TGM7: variants seen among roughly 807,000 people sequenced by gnomAD.
TGM7 encodes the protein transglutaminase 7.
TGM7 carries 74 observed loss-of-function variants against 79.5 expected under a neutral mutation model. The observed-to-expected ratio is 0.93, with a 90% CI of 0.77 to 1.13. TGM7 has a LOEUF of 1.13. Among genes scored for constraint, TGM7 ranks in the 50% most tolerant of loss-of-function variants. The probability of loss-of-function intolerance (pLI) is 0.00; values close to 1 mark genes in which losing one functional copy is unlikely to be tolerated. For missense variants in TGM7, 912 were observed against 905.9 expected (o/e 1.01, Z -0.09); for synonymous variants, 354 against 362.5 (o/e 0.98, Z 0.27).
chr15:43,301,582 A>G (rs550432884), intron 1 of TGM7, among the ~76,000 whole-genome samples: 1 of 150,786 alleles, frequency 6.6e-6, no homozygotes, highest in Admixed American at 6.6e-5. Flanking sequence ...GTGAGCCGAG[A>G]TCGCGCCATT....
intron 1 of TGM7, among the ~76,000 whole-genome samples, chr15:43,301,399 G>A (rs867180942): frequency 1.3e-5 from 2 of 151,680 alleles, no homozygotes; most frequent in Admixed American, 6.6e-5. Context: ...GGAGGCCAAG[G>A]TGGGTGGGTC....
At position 43,279,244 on chromosome 15, in the gene TGM7, T is replaced by C. The variant is rs2042893601; in HGVS notation, c.1712A>G (p.Asn571Ser). 1.2e-6 allele frequency: 2 copies of C among 1,614,004 alleles called. No individual in the cohort carries two copies. Among genetic ancestry groups the C allele is most frequent in the Non-Finnish European group, 1.7e-6 (2 of 1,180,036 alleles). The change falls in exon 11 of 13, where the codon AAT becomes AGT. Residue 571 changes from asparagine to serine, a missense_variant. By Grantham distance (46) the Asn-to-Ser change is conservative. Coordinates refer to ENST00000452443, the MANE Select transcript of TGM7 (RefSeq NM_052955.3). The part of the protein sequence containing the change: ...TQWPLLLPYS[N>S]YRNKLTDEKL... ...TTCGTCCGTTAGCTTGTTTCTGTAA[T>C]TGCTGTAGGGCAGGAGGAGCGGCCA...
rs1255092131 is a variant in TGM7, at chr15:43,279,770, A to G, written c.1533T>C (p.Arg511=). 5 of 1,614,090 alleles carry G rather than the reference A, an allele frequency of 3.1e-6. No individual in the cohort carries two copies. The highest frequency in any genetic ancestry group is 2.2e-5 in the East Asian group (1 of 44,892). ...GGGTGCTGTCTGGCACCCTCTGGAT[A>G]CGCAGCAGCAGCTGCAGGTCCTGGC... ...EWGQDLQLLL[R]IQRVPDSTHP... is the part of the protein sequence containing the mutation. Residue 511 remains arginine, a synonymous_variant, in exon 10 of 13, where the codon CGT becomes CGC. Coordinates refer to ENST00000452443, the MANE Select transcript of TGM7 (RefSeq NM_052955.3).
chr15:43,287,566 T>A lies in TGM7; in HGVS notation c.662A>T (p.Tyr221Phe). ...CATGGCACTCACCACCCTGCACACA[T>A]ACACCACGTCGTTCCGCTGGGAACA... ...KDCSQRNDVVYVCRVVSAMIN... is the reference protein window; with the variant it reads ...KDCSQRNDVVFVCRVVSAMIN... Residue 221 changes from tyrosine to phenylalanine, a missense_variant, in exon 5 of 13, where the codon TAT becomes TTT. By Grantham distance (22) the Tyr-to-Phe change is conservative (BLOSUM62 3). Coordinates refer to ENST00000452443, the MANE Select transcript of TGM7 (RefSeq NM_052955.3). The A allele has an allele frequency of 6.2e-7, 1 of 1,614,110 alleles. No individual in the cohort carries two copies. The highest frequency in any genetic ancestry group is 8.5e-7 in the Non-Finnish European group (1 of 1,179,996).
chr15:43,293,859 T>G (rs1596464830), intron 1 of TGM7, among the ~76,000 whole-genome samples: 2 of 19,566 alleles, frequency 1.0e-4, no homozygotes, highest in Admixed American at 7.9e-4. Flanking sequence ...GGGTGGGGTG[T>G]GCTGGGGAGG....
chr15:43,297,687 C>T (rs905799612), intron 1 of TGM7, among the ~76,000 whole-genome samples: 8 of 151,954 alleles, frequency 5.3e-5, no homozygotes, highest in Admixed American at 1.3e-4. Flanking sequence ...TGATGAGCTC[C>T]GCGATGCAAA....
intron 10 of TGM7, 102 bp downstream of exon 10, chr15:43,279,523 G>T: frequency 7.2e-7 from 1 of 1,389,474 alleles, no homozygotes; most frequent in Non-Finnish European, 9.8e-7. Context: ...GTGTGTTGGA[G>T]GAAGGGGTCT....
Position 43,284,968 on chromosome 15 carries a change from T to G in TGM7, c.866-16A>C. The G allele has an allele frequency of 6.2e-7, 1 of 1,613,730 alleles. No homozygotes were observed. Among genetic ancestry groups the G allele is most frequent in the Non-Finnish European group, 8.5e-7 (1 of 1,179,660 alleles). On this transcript the variant is annotated splice_polypyrimidine_tract_variant and intron_variant, in intron 6 of 12. Coordinates refer to ENST00000452443, the MANE Select transcript of TGM7 (RefSeq NM_052955.3). ...CATCTCATTACTAAAGAGAAAAATA[T>G]AGAGAATCGCTGAGTTCATTTCAGG... is the stretch of plus-strand genomic sequence containing the variant.
chr15:43,292,714 C>G lies in TGM7; in HGVS notation c.434G>C (p.Ser145Thr). Residue 145 changes from serine to threonine, a missense_variant, in exon 3 of 13, where the codon AGT becomes ACT. Transcript: ENST00000452443. The part of the protein sequence containing the change: ...GTFILLFNPW[S>T]PEDDVYLPSE... Reference sequence around the variant, plus strand: ...AAGCTGTGGGCACATCCTACCTGGACTCCAAGGGTTAAAAAGTAGGATGAA... The same window carrying G: ...AAGCTGTGGGCACATCCTACCTGGAGTCCAAGGGTTAAAAAGTAGGATGAA... The G allele has an allele frequency of 6.2e-7, 1 of 1,614,100 alleles. No individual in the cohort carries two copies. The highest frequency in any genetic ancestry group is 8.5e-7 in the Non-Finnish European group (1 of 1,180,018).
intron 7 of TGM7, among the ~76,000 whole-genome samples, chr15:43,284,199 A>C (rs2042923455): frequency 6.6e-6 from 1 of 152,216 alleles, no homozygotes; most frequent in Non-Finnish European, 1.5e-5. Context: ...ACTCCATCTC[A>C]AAAACAAACA....
intron 11 of TGM7, among the ~76,000 whole-genome samples, chr15:43,278,899 T>C (rs932841697): frequency 1.1e-4 from 16 of 152,178 alleles, no homozygotes; most frequent in Non-Finnish European, 1.9e-4. Context: ...AATTTCTCTA[T>C]AGTTTCCTAT....
intron 9 of TGM7, among the ~76,000 whole-genome samples, chr15:43,281,502 T>C (rs1175464868): frequency 4.6e-5 from 7 of 152,160 alleles, no homozygotes; most frequent in Non-Finnish European, 8.8e-5. Context: ...ATTTGGAACA[T>C]ACTTATATAT....
In TGM7 at chr15:43,282,024, A is replaced by G. The variant is rs2042912082; in HGVS notation, c.1171T>C (p.Tyr391His). 1 of 1,614,180 alleles carries G rather than the reference A, an allele frequency of 6.2e-7. No homozygotes were observed. The highest frequency in any genetic ancestry group is 8.5e-7 in the Non-Finnish European group (1 of 1,180,026). ...AIREGDVHLA[Y>H]DTPFVYAEVN... ...TCGGCATACACAAAAGGGGTGTCAT[A>G]GGCCAGGTGGACATCCCCTTCCCTG... is the stretch of plus-strand genomic sequence containing the variant. The change falls in exon 9 of 13, where the codon TAT (tyrosine) becomes CAT (histidine). Residue 391 changes from tyrosine to histidine, a missense_variant. Coordinates refer to ENST00000452443, the MANE Select transcript of TGM7 (RefSeq NM_052955.3).
At chr15:43,278,403 CT>C (rs2042888666) in intron 11 of TGM7, among the ~76,000 whole-genome samples, 1 of 152,220 alleles carries the variant, frequency 6.6e-6, no homozygotes, top group African/African-American at 2.4e-5. Flanking sequence ...AACTCAAAAT[CT>C]GAAGTTCACT....
In TGM7 at chr15:43,292,941, T is replaced by C; in HGVS notation, c.207A>G (p.Ser69=). The change falls in exon 3 of 13, where the codon TCA becomes TCG. Residue 69 remains serine (S), a synonymous_variant. Transcript: ENST00000452443. ...TFVAETGPKP[S]ELLGTRATFF... The stretch of plus-strand genomic sequence containing the variant: ...ATGTGGCTCGGGTCCCCAGCAGCTC[T>C]GACGGCTTGGGTCCTGTGTAGGAGA... 6.2e-7 allele frequency: 1 copy of C among 1,613,384 alleles called. No homozygotes were observed. The highest frequency in any genetic ancestry group is 1.1e-5 in the South Asian group (1 of 91,072).
chr15:43,300,966 C>A (rs571179258), intron 1 of TGM7, among the ~76,000 whole-genome samples: 3 of 152,164 alleles, frequency 2.0e-5, no homozygotes, highest in Admixed American at 6.5e-5. Flanking sequence ...ATTTAAAAAC[C>A]ATTTATATCT....
chr15:43,291,749 T>C (rs2042964254), intron 4 of TGM7, among the ~76,000 whole-genome samples: 1 of 152,202 alleles, frequency 6.6e-6, no homozygotes, highest in African/African-American at 2.4e-5. Flanking sequence ...ACTTTGATTA[T>C]GTTTTAAGGT....
At chr15:43,292,293 C>T (rs945832881) in intron 3 of TGM7, among the ~76,000 whole-genome samples, 196 bp from the exon 4 acceptor site, 9 of 152,306 alleles carry the variant, frequency 5.9e-5, no homozygotes, top group African/African-American at 2.2e-4. Context: ...ACAATGTACA[C>T]TTTAAAAACC....
chr15:43,276,642 C>T, intron 12 of TGM7, 28 bp from the exon 13 acceptor site: 1 of 1,600,848 alleles, frequency 6.2e-7, no homozygotes, highest in Non-Finnish European at 8.5e-7. Context: ...CCTGTGAGAG[C>T]CTCGAGGACT....
Sources: allele counts gnomAD v4.1 joint callset (sites outside exome capture counted in the v4.1 genomes callset), GRCh38; gene constraint gnomAD v4.1.1; transcripts MANE v1.5; gene names NCBI Gene and HGNC (gene_info 2026-07-23, HGNC 2026-07-21).